The following AGFG1 variants were observed in gnomAD, a reference collection of about 807,000 sequenced individuals.
The protein encoded by AGFG1 is arf-GAP domain and FG repeat-containing protein 1.
AGFG1 carries 10 observed loss-of-function variants against 60.6 expected under a neutral mutation model. That is an observed-to-expected ratio of 0.16 (90% CI 0.10 to 0.28). The LOEUF (loss-of-function observed/expected upper bound fraction) is 0.28. Among genes scored for constraint, AGFG1 ranks in the 10% least tolerant of loss-of-function variants. The probability of loss-of-function intolerance (pLI) is 1.00; values close to 1 mark genes in which losing one functional copy is unlikely to be tolerated. For missense variants in AGFG1, 537 were observed against 676.5 expected (o/e 0.79, Z 2.29); for synonymous variants, 247 against 242.9 (o/e 1.02, Z -0.16).
At chr2:227,536,524 T>C in intron 8 of AGFG1, 101 bp from the exon 9 acceptor site, 2 of 876,146 alleles carry the variant, frequency 2.3e-6, no homozygotes, top group East Asian at 2.5e-5. Context: ...ATACTGATGC[T>C]GTGATACACG....
chr2:227,546,142 T>C (rs1016667217), intron 10 of AGFG1, among the ~76,000 whole-genome samples: 5 of 152,170 alleles, frequency 3.3e-5, no homozygotes, highest in African/African-American at 1.2e-4. Flanking sequence ...GGGTTCCACC[T>C]AGTTCAAGCT....
chr2:227,519,184 A>G (rs2106203884), intron 2 of AGFG1, among the ~76,000 whole-genome samples: 1 of 152,234 alleles, frequency 6.6e-6, no homozygotes, highest in Admixed American at 6.5e-5. Flanking sequence ...AAAAACCAAA[A>G]CAAGTGTTGG....
At chr2:227,528,848 T>A (rs904837304) in intron 5 of AGFG1, among the ~76,000 whole-genome samples, 2 of 152,208 alleles carry the variant, frequency 1.3e-5, no homozygotes, top group Admixed American at 6.5e-5. Context: ...ACAATAGCCA[T>A]CATTTAATTG....
At chr2:227,495,145 G>A (rs1422746079) in intron 2 of AGFG1, among the ~76,000 whole-genome samples, 1 of 152,082 alleles carries the variant, frequency 6.6e-6, no homozygotes, top group Admixed American at 6.5e-5. Flanking sequence ...TCGCATTGGA[G>A]CACTTTGTAT....
intron 10 of AGFG1, among the ~76,000 whole-genome samples, chr2:227,541,436 G>A (rs899842763): frequency 4.0e-4 from 61 of 152,142 alleles, no homozygotes; most frequent in Admixed American, 7.2e-4. Flanking sequence ...TCCCAGCACC[G>A]TTTCTTAAAT....
At chr2:227,510,249 TAC>T (rs753132671) in intron 2 of AGFG1, among the ~76,000 whole-genome samples, 1 of 151,504 alleles carries the variant, frequency 6.6e-6, no homozygotes, top group African/African-American at 2.4e-5. Context: ...GCACCACACA[TAC>T]ACACACACAC....
At chr2:227,509,694 T>C (rs1030407736) in intron 2 of AGFG1, among the ~76,000 whole-genome samples, 1 of 152,062 alleles carries the variant, frequency 6.6e-6, no homozygotes, top group Non-Finnish European at 1.5e-5. Context: ...TATCAACTTT[T>C]CTGTAAAATA....
chr2:227,533,493 G>C, intron 6 of AGFG1, 56 bp from the exon 7 acceptor site: 2 of 1,421,568 alleles, frequency 1.4e-6, no homozygotes, highest in Admixed American at 3.4e-5. Context: ...TACAGTCTAT[G>C]AGAGGGTACT....
chr2:227,477,146 C>G (rs184590266), intron 1 of AGFG1, among the ~76,000 whole-genome samples: 6 of 152,168 alleles, frequency 3.9e-5, no homozygotes, highest in Non-Finnish European at 8.8e-5. Context: ...AGGTGATCCA[C>G]CGCCTTGGCC....
At chr2:227,499,073 A>G (rs970085241) in intron 2 of AGFG1, among the ~76,000 whole-genome samples, 1 of 152,180 alleles carries the variant, frequency 6.6e-6, no homozygotes, top group Non-Finnish European at 1.5e-5. Context: ...TTTTTAAGCA[A>G]ATGCGAGACA....
intron 2 of AGFG1, among the ~76,000 whole-genome samples, chr2:227,513,552 G>T (rs1691557435): frequency 6.6e-6 from 1 of 152,114 alleles, no homozygotes; most frequent in Non-Finnish European, 1.5e-5. Flanking sequence ...CTGCTTTACT[G>T]CCAATGGGTA....
At chr2:227,476,268 C>T (rs1233319169) in intron 1 of AGFG1, among the ~76,000 whole-genome samples, 1 of 152,086 alleles carries the variant, frequency 6.6e-6, no homozygotes, top group African/African-American at 2.4e-5. Flanking sequence ...TATGGAAATC[C>T]CTAAAATTCT....
chr2:227,472,433 C>A lies in AGFG1; in HGVS notation c.12C>A (p.Ser4Arg). MAA[S>R]AKRKQEEKHL... ...TTGGCGCCGCGGCCATGGCGGCCAG[C>A]GCGAAGCGGAAGCAGGAGGAGAAGC... Residue 4 changes from serine (S) to arginine (R), a missense_variant, in exon 1 of 13, where the codon AGC (serine) becomes AGA (arginine). Physicochemically the swap from Ser to Arg is moderately radical, Grantham distance 110. Transcript: ENST00000310078. 1 of 1,524,080 alleles carries A rather than the reference C, an allele frequency of 6.6e-7. No homozygotes were observed. Among genetic ancestry groups the A allele is most frequent in the Non-Finnish European group, 8.8e-7 (1 of 1,135,016 alleles). 94.4% of individuals were successfully genotyped at this position (1,524,080 alleles called of 1,614,324 possible).
At chr2:227,506,986 G>T (rs1435785249) in intron 2 of AGFG1, among the ~76,000 whole-genome samples, 2 of 151,950 alleles carry the variant, frequency 1.3e-5, no homozygotes, top group African/African-American at 4.8e-5. Flanking sequence ...TAGGTTGTGT[G>T]GTGTTTTTTT....
At chr2:227,525,931 G>A (rs563462550) in intron 5 of AGFG1, among the ~76,000 whole-genome samples, 1 of 152,264 alleles carries the variant, frequency 6.6e-6, no homozygotes, top group Admixed American at 6.5e-5. Context: ...CTTATTAGCT[G>A]AAATACTATT....
intron 2 of AGFG1, among the ~76,000 whole-genome samples, chr2:227,492,291 A>G (rs1421327907): frequency 6.6e-6 from 1 of 152,044 alleles, no homozygotes; most frequent in Non-Finnish European, 1.5e-5. Context: ...TTTAAAATTA[A>G]TAAAATTAAC....
intron 2 of AGFG1, among the ~76,000 whole-genome samples, chr2:227,503,493 T>A (rs1315742216): frequency 6.6e-6 from 1 of 152,218 alleles, no homozygotes; most frequent in African/African-American, 2.4e-5. Flanking sequence ...CCTGTTTTTA[T>A]ATGGTCTACC....
chr2:227,531,053 C>T (rs369535198), intron 5 of AGFG1, 38 bp from the exon 6 acceptor site: 1 of 1,557,592 alleles, frequency 6.4e-7, no homozygotes, highest in African/African-American at 1.4e-5. Context: ...TTATAGTTTT[C>T]ATATTCATTA....
chr2:227,507,477 C>T (rs1020584632), intron 2 of AGFG1, among the ~76,000 whole-genome samples: 1 of 151,962 alleles, frequency 6.6e-6, no homozygotes, highest in Non-Finnish European at 1.5e-5. Flanking sequence ...GTGGCACATG[C>T]CTGTAGTCCC....
Sources: allele counts gnomAD v4.1 joint callset (sites outside exome capture counted in the v4.1 genomes callset), GRCh38; gene constraint gnomAD v4.1.1; transcripts MANE v1.5; gene names NCBI Gene and HGNC (gene_info 2026-07-23, HGNC 2026-07-21).